The following EPB41 variants were observed in gnomAD, a reference collection of about 807,000 sequenced individuals.
EPB41 encodes the protein protein 4.1.
In EPB41, 65 loss-of-function variants were observed where a neutral mutation model predicts 108.0. The observed-to-expected ratio is 0.60, with a 90% CI of 0.49 to 0.74. The LOEUF is 0.74. Ranked by LOEUF, EPB41 falls within the 30% of genes least tolerant of loss-of-function variation. EPB41 has a pLI of 0.00. For missense variants in EPB41, 875 were observed against 1,037.0 expected (o/e 0.84, Z 2.15); for synonymous variants, 336 against 358.9 (o/e 0.94, Z 0.72).
chr1:29,051,381 G>A (rs112006775), intron 11 of EPB41, among the ~76,000 whole-genome samples: 65 of 151,888 alleles, frequency 4.3e-4, no homozygotes, highest in African/African-American at 1.5e-3. Flanking sequence ...TTACAGGTGT[G>A]AGCCACCGTG....
At chr1:28,926,333 A>G (rs1013338847) in intron 1 of EPB41, among the ~76,000 whole-genome samples, 3 of 152,212 alleles carry the variant, frequency 2.0e-5, no homozygotes. Flanking sequence ...GATTAAATGG[A>G]TTAGAACAGT....
intron 10 of EPB41, among the ~76,000 whole-genome samples, chr1:29,038,994 G>T (rs951159478): frequency 2.0e-5 from 3 of 152,066 alleles, no homozygotes; most frequent in African/African-American, 7.2e-5. Context: ...TAAAAATACT[G>T]CAGTGCTGTA....
intron 16 of EPB41, among the ~76,000 whole-genome samples, chr1:29,080,409 T>C (rs1476944591): frequency 3.4e-5 from 5 of 148,822 alleles, no homozygotes; most frequent in African/African-American, 1.3e-4. Flanking sequence ...GCCCCTTTTT[T>C]TCTTTTTTTT....
chr1:28,943,425 G>T (rs2094374233), intron 1 of EPB41, among the ~76,000 whole-genome samples: 1 of 152,152 alleles, frequency 6.6e-6, no homozygotes, highest in African/African-American at 2.4e-5. Flanking sequence ...GGCTGAGGTG[G>T]GTGGATCACC....
intron 17 of EPB41, among the ~76,000 whole-genome samples, chr1:29,100,876 C>T (rs1665103891): frequency 6.7e-6 from 1 of 149,994 alleles, no homozygotes; most frequent in African/African-American, 2.5e-5. Context: ...CTACAGTGAG[C>T]TAGAGTCATG....
At chr1:29,108,438 G>A (rs1358069915) in intron 17 of EPB41, among the ~76,000 whole-genome samples, 1 of 152,002 alleles carries the variant, frequency 6.6e-6, no homozygotes, top group Non-Finnish European at 1.5e-5. Flanking sequence ...CTGAGCCACC[G>A]TGCCCGGCCC....
At chr1:29,070,558 C>T in intron 16 of EPB41, 1 of 1,232,156 alleles carries the variant, frequency 8.1e-7, no homozygotes, top group Non-Finnish European at 1.0e-6. Flanking sequence ...GTATTCCTTT[C>T]ATGATGTCTT....
chr1:29,054,660 G>A (rs1290726307), intron 12 of EPB41: 1 of 151,822 alleles, frequency 6.6e-6, no homozygotes, highest in Admixed American at 6.6e-5. Context: ...GACCAGCTTT[G>A]GCAAAATGGT....
At chr1:29,091,970 GT>G (rs1661351257) in intron 16 of EPB41, among the ~76,000 whole-genome samples, 1 of 151,932 alleles carries the variant, frequency 6.6e-6, no homozygotes, top group Non-Finnish European at 1.5e-5. Context: ...ATGGAGGCTG[GT>G]TTACAAGTTA....
At chr1:28,983,583 A>ACT (rs2095805214) in intron 1 of EPB41, among the ~76,000 whole-genome samples, 1 of 151,986 alleles carries the variant, frequency 6.6e-6, no homozygotes. Context: ...TGAGCCTGCC[A>ACT]CTCTCAACTC....
At chr1:28,933,370 G>T (rs2093842363) in intron 1 of EPB41, among the ~76,000 whole-genome samples, 1 of 152,132 alleles carries the variant, frequency 6.6e-6, no homozygotes, top group African/African-American at 2.4e-5. Flanking sequence ...GACTGGGAGA[G>T]GTAACTTATC....
At chr1:28,960,414 C>A (rs2149121951) in intron 1 of EPB41, among the ~76,000 whole-genome samples, 1 of 151,612 alleles carries the variant, frequency 6.6e-6, no homozygotes, top group Middle Eastern at 3.4e-3. Context: ...GATTTATTAC[C>A]CCTACAATAA....
rs1405158753 is a variant in EPB41 at position 28,968,970 on chromosome 1, C to T, written c.-7-18461C>T. The stretch of plus-strand genomic sequence containing the variant: ...ATAAAGTGATACTCTGCCTCCAAAA[C>T]CCCCCACCCCCCAAAAAAAAAACAC... On this transcript the variant is annotated intron_variant, in intron 1 of 20. Transcript: ENST00000343067. Among the ~76,000 whole-genome samples the T allele has an allele frequency of 5.1e-5, 6 of 117,000 alleles. No individual in the cohort carries two copies. In the East Asian group the frequency reaches 1.6e-3, roughly 32 times the overall value. The allele number at this position is 117,000 out of a possible 152,430, so 76.8% of individuals were successfully genotyped here. A position where few individuals can be genotyped will look rare whatever the true frequency, so the allele number is the denominator to read the frequency against.
chr1:28,958,021 A>G (rs1268563365), intron 1 of EPB41, among the ~76,000 whole-genome samples: 1 of 151,782 alleles, frequency 6.6e-6, no homozygotes, highest in Non-Finnish European at 1.5e-5. Flanking sequence ...TGCTATGTTA[A>G]CCAGGCAGGT....
At chr1:29,009,221 T>C (rs1267830340) in intron 4 of EPB41, among the ~76,000 whole-genome samples, 1 of 152,086 alleles carries the variant, frequency 6.6e-6, no homozygotes, top group Non-Finnish European at 1.5e-5. Flanking sequence ...ACTAAAATGC[T>C]GGAAATTAAA....
At chr1:29,025,430 T>TA (rs2096707250) in intron 7 of EPB41, among the ~76,000 whole-genome samples, 1 of 151,970 alleles carries the variant, frequency 6.6e-6, no homozygotes, top group Non-Finnish European at 1.5e-5. Flanking sequence ...CTGCAGTACT[T>TA]ACAAGTAGTA....
In EPB41 at chr1:29,100,135, G is replaced by A. The variant is rs144497710; in HGVS notation, c.2313+2200G>A. On this transcript the variant is annotated intron_variant, in intron 17 of 20. Coordinates refer to ENST00000343067, the MANE Select transcript of EPB41 (RefSeq NM_001376013.1). ...CTCACCTCACCATGAACTGGATGAT[G>A]TTATCTCCATTTAGGAAACAGTGTG... 4.3e-3 allele frequency among the ~76,000 whole-genome samples: 660 copies of A among 152,008 alleles called. 4 individuals carry two copies. The highest frequency in any genetic ancestry group is 0.015 in the African/African-American group (635 of 41,522).
intron 4 of EPB41, among the ~76,000 whole-genome samples, chr1:29,009,375 A>C (rs1275157200): frequency 1.3e-5 from 2 of 152,160 alleles, no homozygotes; most frequent in Non-Finnish European, 2.9e-5. Flanking sequence ...TATACCCTGG[A>C]GTCTTTATAT....
intron 1 of EPB41, chr1:28,893,423 A>G (rs956332156): frequency 6.6e-6 from 1 of 152,230 alleles, no homozygotes; most frequent in Admixed American, 6.5e-5. Context: ...GTTGTAATTC[A>G]GTAGTTATTT....
Sources: allele counts gnomAD v4.1 joint callset (sites outside exome capture counted in the v4.1 genomes callset), GRCh38; gene constraint gnomAD v4.1.1; transcripts MANE v1.5; gene names NCBI Gene and HGNC (gene_info 2026-07-23, HGNC 2026-07-21).